CUL9: variants seen among roughly 807,000 people sequenced by gnomAD.
CUL9 encodes cullin 9, also known as cullin-9.
CUL9 carries 79 observed loss-of-function variants against 272.6 expected under a neutral mutation model. That is an observed-to-expected ratio of 0.29 (90% CI 0.24 to 0.35). CUL9 has a LOEUF of 0.35. CUL9 is among the 10% of genes least tolerant of loss of function. CUL9 has a pLI of 1.00. For missense variants in CUL9, 2,532 were observed against 3,255.6 expected (o/e 0.78, Z 5.41); for synonymous variants, 1,186 against 1,286.5 (o/e 0.92, Z 1.67).
chr6:43,183,196 C>T (rs1361027565), intron 1 of CUL9, among the ~76,000 whole-genome samples: 2 of 152,204 alleles, frequency 1.3e-5, no homozygotes, highest in Non-Finnish European at 2.9e-5. Context: ...CTCCTGACCT[C>T]ATTTCCTACC....
At chr6:43,191,308 TTTG>T (rs1367855342) in intron 8 of CUL9, among the ~76,000 whole-genome samples, 4 of 140,888 alleles carry the variant, frequency 2.8e-5, no homozygotes, top group Admixed American at 6.8e-5. Context: ...TGTTTTTTTT[TTTG>T]TTTGTTTTTT....
In CUL9 at chr6:43,200,359, C is replaced by T; in HGVS notation, c.3385-77C>T. 1 of 1,610,740 alleles carries T rather than the reference C, an allele frequency of 6.2e-7. No homozygotes were observed. The highest frequency in any genetic ancestry group is 8.5e-7 in the Non-Finnish European group (1 of 1,177,438). ...GTATACCGTTGACCCTTGACTTTTT[C>T]TCTCTACCTGTTTCTGGGCATTTCT... On this transcript the variant is annotated intron_variant, in intron 14 of 40. Transcript: ENST00000252050. The surrounding 1 kb of genome is among the most constrained non-coding windows in gnomAD (Gnocchi z 4.0).
chr6:43,220,556 C>T lies in CUL9; in HGVS notation c.6380C>T (p.Ala2127Val). 6.2e-7 allele frequency: 1 copy of T among 1,614,164 alleles called. No individual in the cohort carries two copies. The highest frequency in any genetic ancestry group is 8.5e-7 in the Non-Finnish European group (1 of 1,180,030). Reference protein sequence around the residue: ...IADCPAQPTGAFIRAIVSSPE... With the variant: ...IADCPAQPTGVFIRAIVSSPE... Reference sequence around the variant, plus strand: ...GACTGCCCCGCCCAGCCCACCGGAGCCTTCATTCGTGCCATCGTCTCCTCG... The same window carrying T: ...GACTGCCCCGCCCAGCCCACCGGAGTCTTCATTCGTGCCATCGTCTCCTCG... The change falls in exon 32 of 41, where the codon GCC (alanine) becomes GTC (valine). Residue 2127 changes from alanine (A) to valine (V), a missense_variant. Around this residue, in one of 3 missense-constraint regions of CUL9, gnomAD observed 2,218 missense variants for 2,788.6 expected, o/e 0.80. Transcript: ENST00000252050. This position sits in a 1 kb window ranked among gnomAD's most constrained non-coding sequence, Gnocchi z 4.9.
intron 8 of CUL9, among the ~76,000 whole-genome samples, chr6:43,189,323 G>T (rs1773220731): frequency 6.6e-6 from 1 of 151,842 alleles, no homozygotes; most frequent in Non-Finnish European, 1.5e-5. Flanking sequence ...CCAAGTAGCT[G>T]GGATTACAGG....
intron 9 of CUL9, among the ~76,000 whole-genome samples, chr6:43,194,128 T>C (rs1773780399): frequency 6.6e-6 from 1 of 152,124 alleles, no homozygotes; most frequent in African/African-American, 2.4e-5. Flanking sequence ...AGGAGCTCTG[T>C]GTAGCCTGAG....
At chr6:43,194,679 T>A (rs747667463) in intron 9 of CUL9, among the ~76,000 whole-genome samples, 1 of 152,068 alleles carries the variant, frequency 6.6e-6, no homozygotes, top group Admixed American at 6.6e-5. Context: ...CAGATCATCA[T>A]GCTCAAAGAA....
At position 43,213,379 on chromosome 6, in the gene CUL9, C is replaced by G. The variant is rs1775681659; in HGVS notation, c.5359-59C>G. 20 of 1,610,948 alleles carry G rather than the reference C, an allele frequency of 1.2e-5. No homozygotes were observed. In the African/African-American group the frequency reaches 1.6e-4, roughly 13 times the overall value. On this transcript the variant is annotated intron_variant, in intron 27 of 40. Coordinates refer to ENST00000252050, the MANE Select transcript of CUL9 (RefSeq NM_015089.4). This position sits in a 1 kb window ranked among gnomAD's most constrained non-coding sequence, Gnocchi z 5.7. ...TCCTAAACCCTGTTCCTCCTTCATC[C>G]TTACTCCCCTCTTCCTTTTCTTTCC... is the stretch of plus-strand genomic sequence containing the variant.
rs1332460991 is a variant in CUL9, at chr6:43,182,265, T to G, written c.-10+16T>G. ...GCGGTGGGAGGTGAGAGGAGAGTTC[T>G]GCGCCGACCCAATCCCTCCCCTTCT... On this transcript the variant is annotated intron_variant, in intron 1 of 40. Transcript: ENST00000252050. 1 of 152,360 alleles carries G rather than the reference T, an allele frequency of 6.6e-6. No homozygotes were observed. The highest frequency in any genetic ancestry group is 1.5e-5 in the Non-Finnish European group (1 of 68,148). The allele number at this position is 152,360 out of a possible 1,614,324, so 9.4% of individuals were successfully genotyped here.
Position 43,199,228 on chromosome 6 carries a change from G to T in CUL9, c.3051-38G>T. 1 of 1,532,878 alleles carries T rather than the reference G, an allele frequency of 6.5e-7. No homozygotes were observed. Among genetic ancestry groups the T allele is most frequent in the Non-Finnish European group, 9.0e-7 (1 of 1,107,796 alleles). The allele number at this position is 1,532,878 out of a possible 1,614,324, so 95.0% of individuals were successfully genotyped here. A position where few individuals can be genotyped will look rare whatever the true frequency, so the allele number is the denominator to read the frequency against. On this transcript the variant is annotated intron_variant, in intron 12 of 40. Transcript: ENST00000252050. The surrounding 1 kb of genome is among the most constrained non-coding windows in gnomAD (Gnocchi z 4.4). ...TGGGATTACAGGCATGAGCCACTGT[G>T]CCTGGCCTGACTTCACTCGTTTCTA...
chr6:43,214,960 G>C, intron 29 of CUL9, 119 bp from the exon 30 acceptor site: 2 of 1,232,060 alleles, frequency 1.6e-6, no homozygotes, highest in East Asian at 2.4e-5. Context: ...CTGGGTGACA[G>C]AGCAAGACTG....
rs2150619161 is a variant in CUL9 at position 43,213,579 on chromosome 6, G to A, written c.5488+12G>A. ...CTTTCCACACGGGGGTAGGTCATTG[G>A]GGGCCGGGCTGAGCCTCTGCTGCTG... On this transcript the variant is annotated intron_variant, in intron 28 of 40. Coordinates refer to ENST00000252050, the MANE Select transcript of CUL9 (RefSeq NM_015089.4). This position sits in a 1 kb window ranked among gnomAD's most constrained non-coding sequence, Gnocchi z 5.7. 1.9e-6 allele frequency: 3 copies of A among 1,607,314 alleles called. No homozygotes were observed. Among genetic ancestry groups the A allele is most frequent in the Middle Eastern group, 1.7e-4 (1 of 5,966 alleles).
In CUL9 at chr6:43,223,946, A is replaced by T; in HGVS notation, c.7285-149A>T. ...CTGGAGACCATCTGTGGGTGAACTC[A>T]CAAAGGCAGTGTTTCATGAAGTGCT... On this transcript the variant is annotated intron_variant, in intron 39 of 40. Coordinates refer to ENST00000252050, the MANE Select transcript of CUL9 (RefSeq NM_015089.4). The surrounding 1 kb of genome is among the most constrained non-coding windows in gnomAD (Gnocchi z 4.1). 1.3e-6 allele frequency: 1 copy of T among 766,230 alleles called. No homozygotes were observed. Among genetic ancestry groups the T allele is most frequent in the South Asian group, 1.5e-5 (1 of 66,046 alleles). 47.5% of individuals were successfully genotyped at this position (766,230 alleles called of 1,614,324 possible). A position where few individuals can be genotyped will look rare whatever the true frequency, so the allele number is the denominator to read the frequency against.
chr6:43,223,757 C>T lies in CUL9; in HGVS notation c.7285-338C>T. Reference sequence around the variant, plus strand: ...GGGATTGGGGTCACTGGAGCAAGGGCTCTCCCAGGCTCTCTCCAGCTCTAA... The same window carrying T: ...GGGATTGGGGTCACTGGAGCAAGGGTTCTCCCAGGCTCTCTCCAGCTCTAA... On this transcript the variant is annotated intron_variant, in intron 39 of 40. Coordinates refer to ENST00000252050, the MANE Select transcript of CUL9 (RefSeq NM_015089.4). The surrounding 1 kb of genome is among the most constrained non-coding windows in gnomAD (Gnocchi z 4.1). 2.0e-6 allele frequency: 1 copy of T among 495,748 alleles called. No individual in the cohort carries two copies. Among genetic ancestry groups the T allele is most frequent in the Non-Finnish European group, 3.7e-6 (1 of 273,096 alleles). 30.7% of individuals were successfully genotyped at this position (495,748 alleles called of 1,614,324 possible). A position where few individuals can be genotyped will look rare whatever the true frequency, so the allele number is the denominator to read the frequency against.
chr6:43,214,986 G>T, intron 29 of CUL9, 93 bp from the exon 30 acceptor site: 1 of 1,416,130 alleles, frequency 7.1e-7, no homozygotes, highest in Admixed American at 2.3e-5. Context: ...TAAAAAAAAA[G>T]GGGGGGAAAA....
At chr6:43,194,731 T>G (rs542570522) in intron 9 of CUL9, among the ~76,000 whole-genome samples, 1 of 152,078 alleles carries the variant, frequency 6.6e-6, no homozygotes, top group East Asian at 1.9e-4. Context: ...ACATAGCAAT[T>G]GCCATCCACT....
rs1192539923 is a variant in CUL9 at position 43,199,985 on chromosome 6, T to C, written c.3213T>C (p.Tyr1071=). ...LHRLASMHKD[Y]AVVLCCLGAK... is the part of the protein sequence containing the mutation. ...GCCTGGCCTCGATGCATAAGGACTA[T>C]GCTGTGGTGCTCTGCTGCCTGGGAG... The change falls in exon 14 of 41, where the codon TAT becomes TAC. Residue 1071 remains tyrosine (Y), a synonymous_variant. Transcript: ENST00000252050. This position sits in a 1 kb window ranked among gnomAD's most constrained non-coding sequence, Gnocchi z 4.4. 3.7e-6 allele frequency: 6 copies of C among 1,614,230 alleles called. No individual in the cohort carries two copies. Among genetic ancestry groups the C allele is most frequent in the Non-Finnish European group, 5.1e-6 (6 of 1,180,042 alleles).
At chr6:43,202,591 C>T in intron 16 of CUL9, 125 bp from the exon 17 acceptor site, 1 of 760,550 alleles carries the variant, frequency 1.3e-6, no homozygotes, top group Non-Finnish European at 2.3e-6. Context: ...GCAGTGTTGC[C>T]CAGGTTGATC....
At position 43,222,602 on chromosome 6, in the gene CUL9, C is replaced by T; in HGVS notation, c.6993C>T (p.Phe2331=). ...TGCCCCCGCCCAGATCCTTCACCTT[C>T]CTCAATGATGCCTGCCAGGGACTGG... ...HEVPPPRSFT[F]LNDACQGLEQ... is the part of the protein sequence containing the mutation. Residue 2331 remains phenylalanine, a synonymous_variant, in exon 37 of 41, where the codon TTC becomes TTT. Transcript: ENST00000252050. 6.2e-7 allele frequency: 1 copy of T among 1,613,254 alleles called. No homozygotes were observed. The highest frequency in any genetic ancestry group is 8.5e-7 in the Non-Finnish European group (1 of 1,180,026).
At chr6:43,185,791 T>C (rs1772852692) in intron 3 of CUL9, among the ~76,000 whole-genome samples, 164 bp from the exon 4 acceptor site, 2 of 152,166 alleles carry the variant, frequency 1.3e-5, no homozygotes. Flanking sequence ...CAGGAATCTG[T>C]GTTTTAAGAC....
Sources: gnomAD v4.1 joint callset for allele counts (sites outside exome capture counted in the v4.1 genomes callset) on GRCh38, gnomAD v4.1.1 for gene constraint, gnomAD v4.1.1 regional missense constraint, Gnocchi (gnomAD v3.1) non-coding constraint, MANE v1.5 for transcripts, NCBI Gene and HGNC (gene_info 2026-07-23, HGNC 2026-07-21) for gene names.